The following MOSPD2 variants were observed in gnomAD, a reference collection of about 807,000 sequenced individuals.
The protein encoded by MOSPD2 is motile sperm domain containing 2, also known as motile sperm domain-containing protein 2.
A neutral mutation model predicts 41.7 loss-of-function variants in MOSPD2; 5 were observed. The ratio of observed to expected loss-of-function variants is 0.12; its 90% CI spans 0.06 to 0.25. The LOEUF is 0.25. Among genes scored for constraint, MOSPD2 ranks in the 10% least tolerant of loss-of-function variants. The probability of loss-of-function intolerance (pLI) is 1.00; values close to 1 mark genes in which losing one functional copy is unlikely to be tolerated. For missense variants in MOSPD2, 282 were observed against 375.2 expected, an observed-to-expected ratio of 0.75 and a Z score of 2.05; for synonymous variants, 115 against 126.9, an observed-to-expected ratio of 0.91 and a Z score of 0.63.
chrX:14,896,944 T>C (rs2092564176), intron 4 of MOSPD2, 140 bp from the exon 5 acceptor site: 4 of 487,240 alleles, frequency 8.2e-6, no homozygotes, highest in Admixed American at 9.9e-5. Flanking sequence ...CAGTTTCTCA[T>C]TGAAAATAAG....
At chrX:14,901,930 G>A (rs1358854072) in intron 6 of MOSPD2, among the ~76,000 whole-genome samples, 2 of 109,408 alleles carry the variant, frequency 1.8e-5, no homozygotes. Flanking sequence ...TCTATATAAA[G>A]ATGAGTTGTA....
intron 8 of MOSPD2, 43 bp from the exon 9 acceptor site, chrX:14,911,194 T>C: frequency 9.2e-7 from 1 of 1,088,125 alleles, no homozygotes; most frequent in Non-Finnish European, 1.2e-6. Context: ...GTTATTTCTC[T>C]ACCCACCATT....
intron 2 of MOSPD2, among the ~76,000 whole-genome samples, chrX:14,887,029 C>T (rs2092542846): frequency 8.9e-6 from 1 of 111,872 alleles, no homozygotes; most frequent in Non-Finnish European, 1.9e-5. Context: ...TTTATGCAGT[C>T]CAGCTAATAG....
chrX:14,913,919 T>C (rs2092595995), intron 10 of MOSPD2, among the ~76,000 whole-genome samples: 1 of 111,738 alleles, frequency 8.9e-6, no homozygotes, highest in Non-Finnish European at 1.9e-5. Context: ...ATTTAAATAT[T>C]GAAGCTCATT....
chrX:14,906,698 A>G (rs947989551), intron 7 of MOSPD2, among the ~76,000 whole-genome samples: 3 of 112,135 alleles, frequency 2.7e-5, no homozygotes, highest in African/African-American at 9.7e-5. Context: ...GACTTATTCT[A>G]GAATATATAA....
chrX:14,906,897 G>A (rs998328009), intron 7 of MOSPD2, among the ~76,000 whole-genome samples: 9 of 111,076 alleles, frequency 8.1e-5, no homozygotes, highest in South Asian at 3.7e-4. Context: ...GGTGGCACAC[G>A]CCTGTAATCC....
rs927024343 is a variant in MOSPD2, at chrX:14,920,790, A to T, written c.*981A>T. ...TGTTTGAGATGCTAAGCAGGATAAT[A>T]AATTTAGATTTTAAAATGTTCCCTG... On this transcript the variant is annotated 3_prime_UTR_variant, in exon 15 of 15. Transcript: ENST00000380492. The T allele has an allele frequency of 5.3e-6, 4 of 752,067 alleles. No individual in the cohort carries two copies. Among genetic ancestry groups the T allele is most frequent in the African/African-American group, 2.3e-5 (1 of 43,148 alleles). 62.0% of individuals were successfully genotyped at this position (752,067 alleles called of 1,213,427 possible).
intron 5 of MOSPD2, among the ~76,000 whole-genome samples, chrX:14,898,898 A>G (rs969776602): frequency 9.0e-6 from 1 of 110,979 alleles, no homozygotes; most frequent in African/African-American, 3.2e-5. Context: ...TTCATGAGTC[A>G]CAAAGAATTT....
intron 2 of MOSPD2, among the ~76,000 whole-genome samples, chrX:14,890,299 A>G (rs991238676): frequency 3.6e-5 from 4 of 112,028 alleles, no homozygotes; most frequent in African/African-American, 1.3e-4. Context: ...CTGTGTGACA[A>G]AATCGGGAAG....
intron 9 of MOSPD2, among the ~76,000 whole-genome samples, chrX:14,911,625 T>C (rs775820036): frequency 8.9e-6 from 1 of 112,234 alleles, no homozygotes; most frequent in Non-Finnish European, 1.9e-5. Flanking sequence ...CTGTGTCTTA[T>C]ACCTGTAATC....
At chrX:14,918,874 T>G (rs2092604714) in intron 14 of MOSPD2, 92 bp downstream of exon 14, 2 of 586,936 alleles carry the variant, frequency 3.4e-6, no homozygotes, top group South Asian at 5.2e-5. Flanking sequence ...AGAAAAACAT[T>G]TGGCATAGAC....
At chrX:14,915,622 C>A in intron 11 of MOSPD2, 46 bp from the exon 12 acceptor site, 2 of 953,870 alleles carry the variant, frequency 2.1e-6, no homozygotes, top group Admixed American at 2.6e-5. Flanking sequence ...CATTTCCCCC[C>A]AAAAAAGCAT....
Position 14,912,324 on chromosome X carries a change from C to T in MOSPD2, c.955C>T (p.Pro319Ser). The change falls in exon 10 of 15, where the codon CCA becomes TCA. Residue 319 changes from proline (P) to serine (S), a missense_variant. Physicochemically the swap from Pro to Ser is moderately conservative, Grantham distance 74. Coordinates refer to ENST00000380492, the MANE Select transcript of MOSPD2 (RefSeq NM_152581.4). ...VDSKVKAFKK[P>S]LSVFKGPLLH... ...TTCAAAAGTGAAAGCTTTCAAGAAACCATTGAGTGTATTTAAAGGCCCCTT... is the reference window on the plus strand; with the variant it reads ...TTCAAAAGTGAAAGCTTTCAAGAAATCATTGAGTGTATTTAAAGGCCCCTT... The T allele has an allele frequency of 8.5e-7, 1 of 1,174,868 alleles. No homozygotes were observed. The highest frequency in any genetic ancestry group is 1.1e-6 in the Non-Finnish European group (1 of 877,883).
rs35164803 is a variant in MOSPD2, at chrX:14,911,253, G to A, written c.719G>A (p.Ser240Asn). 36,374 of 1,198,062 alleles carry A rather than the reference G, an allele frequency of 0.03. 458 individuals carry two copies. The highest frequency in any genetic ancestry group is 0.044 in the Admixed American group (1,879 of 43,026). The change falls in exon 9 of 15, where the codon AGC becomes AAC. Residue 240 changes from serine (S) to asparagine (N), a missense_variant. Physicochemically the swap from Ser to Asn is conservative, Grantham distance 46. Around this residue, in one of 3 missense-constraint regions of MOSPD2, gnomAD observed 187 missense variants for 256.6 expected, o/e 0.73. Coordinates refer to ENST00000380492, the MANE Select transcript of MOSPD2 (RefSeq NM_152581.4). The stretch of plus-strand genomic sequence containing the variant: ...TTCTTGTAGGATCCTTTCAAGTATA[G>A]CTATCCACCACTAGTAGATGATGAC... ...HMGGTDPFKY[S>N]YPPLVDDDFQ...
rs1197991763 is a variant in MOSPD2, at chrX:14,920,015, A to G, written c.*206A>G. 2 of 908,448 alleles carry G rather than the reference A, an allele frequency of 2.2e-6. No individual in the cohort carries two copies. Among genetic ancestry groups the G allele is most frequent in the Non-Finnish European group, 2.7e-6 (2 of 732,034 alleles). The allele number at this position is 908,448 out of a possible 1,213,427, so 74.9% of individuals were successfully genotyped here. A position where few individuals can be genotyped will look rare whatever the true frequency, so the allele number is the denominator to read the frequency against. On this transcript the variant is annotated 3_prime_UTR_variant, in exon 15 of 15. Coordinates refer to ENST00000380492, the MANE Select transcript of MOSPD2 (RefSeq NM_152581.4). ...CTGGAGAAATTGATTATAAGAGACT[A>G]TAGCTATTTAGTAAAGTAAGTAAAG...
chrX:14,900,706 C>T (rs1009084143), intron 6 of MOSPD2, 71 bp downstream of exon 6: 3 of 516,840 alleles, frequency 5.8e-6, no homozygotes, highest in African/African-American at 4.9e-5. Flanking sequence ...AATTGTGGAG[C>T]CTTATGTTAT....
intron 6 of MOSPD2, among the ~76,000 whole-genome samples, chrX:14,901,732 C>T (rs757811104): frequency 1.2e-4 from 13 of 110,371 alleles, no homozygotes; most frequent in Non-Finnish European, 2.1e-4. Flanking sequence ...AGTCATTGGT[C>T]AGTAGGGAAT....
chrX:14,883,005 G>A (rs2092534551), intron 2 of MOSPD2, among the ~76,000 whole-genome samples: 1 of 110,516 alleles, frequency 9.0e-6, no homozygotes, highest in East Asian at 2.8e-4. Context: ...GACCAGCCTG[G>A]CCAAGATGGT....
In MOSPD2 at chrX:14,920,639, C is replaced by A; in HGVS notation, c.*830C>A. On this transcript the variant is annotated 3_prime_UTR_variant, in exon 15 of 15. Transcript: ENST00000380492. ...TGCCTAATTTATTATAAAGGCCTGA[C>A]CCTCTATTGTCCCATCTTCACCCCC... The A allele has an allele frequency of 1.3e-6, 1 of 753,456 alleles. No individual in the cohort carries two copies. Among genetic ancestry groups the A allele is most frequent in the Non-Finnish European group, 1.6e-6 (1 of 638,863 alleles). The allele number at this position is 753,456 out of a possible 1,213,427, so 62.1% of individuals were successfully genotyped here.
Sources: gnomAD v4.1 joint callset for allele counts (sites outside exome capture counted in the v4.1 genomes callset) on GRCh38, gnomAD v4.1.1 for gene constraint, gnomAD v4.1.1 regional missense constraint, MANE v1.5 for transcripts, NCBI Gene and HGNC (gene_info 2026-07-23, HGNC 2026-07-21) for gene names.